Variants in KCNIP4 observed in about 807,000 individuals in gnomAD.
The protein encoded by KCNIP4 is Kv channel-interacting protein 4.
KCNIP4 carries 12 observed loss-of-function variants against 34.0 expected under a neutral mutation model. That is an observed-to-expected ratio of 0.35 (90% CI 0.23 to 0.57). The LOEUF (loss-of-function observed/expected upper bound fraction) is 0.57, where lower values mean the gene tolerates loss of function less well. Among genes scored for constraint, KCNIP4 ranks in the 20% least tolerant of loss-of-function variants. KCNIP4 has a pLI of 0.83. For missense variants in KCNIP4, 238 were observed against 311.7 expected (o/e 0.76, Z 1.78); for synonymous variants, 124 against 102.2 (o/e 1.21, Z -1.29).
chr4:20,731,035 A>G (rs1309814415), intron 8 of KCNIP4, among the ~76,000 whole-genome samples: 1 of 152,182 alleles, frequency 6.6e-6, no homozygotes, highest in Non-Finnish European at 1.5e-5. Flanking sequence ...GAAAAACTAA[A>G]GAAACAACGG....
intron 1 of KCNIP4, among the ~76,000 whole-genome samples, chr4:21,541,779 A>T (rs1466747000): frequency 6.6e-6 from 1 of 151,686 alleles, no homozygotes; most frequent in Non-Finnish European, 1.5e-5. Flanking sequence ...GTAGCTAGGA[A>T]CACAGGCACC....
intron 3 of KCNIP4, among the ~76,000 whole-genome samples, chr4:20,800,477 A>C (rs1271358180): frequency 1.3e-5 from 2 of 152,240 alleles, no homozygotes; most frequent in Non-Finnish European, 2.9e-5. Context: ...AATTCATAAT[A>C]ATATTCTTTA....
chr4:21,655,265 T>A (rs572802988), intron 1 of KCNIP4, among the ~76,000 whole-genome samples: 1 of 152,220 alleles, frequency 6.6e-6, no homozygotes, highest in Non-Finnish European at 1.5e-5. Context: ...CCTCGGTGGC[T>A]GAGGAGATGG....
intron 1 of KCNIP4, among the ~76,000 whole-genome samples, chr4:21,418,551 A>G (rs1725168393): frequency 6.6e-6 from 1 of 152,160 alleles, no homozygotes; most frequent in Non-Finnish European, 1.5e-5. Context: ...AAACACAGAG[A>G]TTATATAGGG....
In KCNIP4 at chr4:21,277,457, C is replaced by T. The variant is rs1578007883; in HGVS notation, c.62-394748G>A. Reference sequence around the variant, plus strand: ...TAGGGTAACATTTTTAAAAGGGTCACATAAATGGAACAAGAATAAGTAGCC... The same window carrying T: ...TAGGGTAACATTTTTAAAAGGGTCATATAAATGGAACAAGAATAAGTAGCC... On this transcript the variant is annotated intron_variant, in intron 1 of 8. Coordinates refer to ENST00000382152, the MANE Select transcript of KCNIP4 (RefSeq NM_025221.6). Among the ~76,000 whole-genome samples the T allele has an allele frequency of 2.6e-5, 4 of 152,158 alleles. No individual in the cohort carries two copies. The South Asian group carries it at 8.3e-4, about 32-fold the overall frequency.
At chr4:21,626,556 A>C (rs558772244) in intron 1 of KCNIP4, among the ~76,000 whole-genome samples, 1 of 152,034 alleles carries the variant, frequency 6.6e-6, no homozygotes, top group Non-Finnish European at 1.5e-5. Context: ...TCTGTTGTTT[A>C]AGCTACTCAG....
At chr4:21,480,600 A>T (rs771998308) in intron 1 of KCNIP4, among the ~76,000 whole-genome samples, 1 of 152,164 alleles carries the variant, frequency 6.6e-6, no homozygotes, top group Non-Finnish European at 1.5e-5. Context: ...TAAGGCACAA[A>T]ATAATCATTG....
intron 1 of KCNIP4, among the ~76,000 whole-genome samples, chr4:21,229,791 T>C (rs1460563309): frequency 6.6e-6 from 1 of 152,156 alleles, no homozygotes; most frequent in East Asian, 1.9e-4. Context: ...TTCTATTTGA[T>C]TTGATTCCTT....
At chr4:20,801,385 G>T (rs1560474570) in intron 3 of KCNIP4, among the ~76,000 whole-genome samples, 2 of 151,954 alleles carry the variant, frequency 1.3e-5, no homozygotes, top group Admixed American at 1.3e-4. Context: ...GCATAGTCAA[G>T]TTCAGAATAC....
At chr4:20,824,951 T>G (rs1350804669) in intron 3 of KCNIP4, among the ~76,000 whole-genome samples, 1 of 152,214 alleles carries the variant, frequency 6.6e-6, no homozygotes, top group African/African-American at 2.4e-5. Flanking sequence ...TGTTTAAAAT[T>G]ATTGATTTTT....
At chr4:21,483,186 C>A (rs1007885326) in intron 1 of KCNIP4, among the ~76,000 whole-genome samples, 15 of 151,662 alleles carry the variant, frequency 9.9e-5, no homozygotes, top group Admixed American at 2.0e-4. Flanking sequence ...TGTAACAAAC[C>A]TGCATGTTGT....
intron 1 of KCNIP4, among the ~76,000 whole-genome samples, chr4:21,822,133 T>C (rs929044263): frequency 6.6e-6 from 1 of 152,196 alleles, no homozygotes; most frequent in Non-Finnish European, 1.5e-5. Flanking sequence ...CCTGGCATCC[T>C]AGCATGTGAT....
intron 1 of KCNIP4, among the ~76,000 whole-genome samples, chr4:21,126,761 T>C (rs1415372516): frequency 6.6e-6 from 1 of 152,128 alleles, no homozygotes; most frequent in Non-Finnish European, 1.5e-5. Context: ...AGAAATCAAA[T>C]GGTTTCTTTG....
chr4:21,232,607 A>G (rs763833084), intron 1 of KCNIP4, among the ~76,000 whole-genome samples: 16 of 152,202 alleles, frequency 1.1e-4, no homozygotes, highest in Non-Finnish European at 2.4e-4. Flanking sequence ...GAACACTTCC[A>G]TAGATCTGGG....
intron 1 of KCNIP4, among the ~76,000 whole-genome samples, chr4:21,603,359 GA>G (rs1743367985): frequency 6.6e-6 from 1 of 151,922 alleles, no homozygotes; most frequent in Non-Finnish European, 1.5e-5. Flanking sequence ...GTGTGGGAAA[GA>G]AAAAGAGGAG....
At chr4:21,844,355 A>G (rs1723875940) in intron 1 of KCNIP4, 1 of 151,890 alleles carries the variant, frequency 6.6e-6, no homozygotes, top group Admixed American at 6.6e-5. Context: ...TTAAATAAAT[A>G]TAATACATGG....
At chr4:21,093,489 C>G (rs1323640951) in intron 1 of KCNIP4, among the ~76,000 whole-genome samples, 1 of 152,072 alleles carries the variant, frequency 6.6e-6, no homozygotes, top group African/African-American at 2.4e-5. Flanking sequence ...TCTTCAGAAA[C>G]AAGACATCAG....
At chr4:21,567,759 G>C (rs1227562674) in intron 1 of KCNIP4, among the ~76,000 whole-genome samples, 1 of 152,032 alleles carries the variant, frequency 6.6e-6, no homozygotes, top group Non-Finnish European at 1.5e-5. Context: ...CTGAAAACTG[G>C]ATGAGGATGG....
At chr4:20,781,479 A>G (rs1446717093) in intron 3 of KCNIP4, among the ~76,000 whole-genome samples, 2 of 152,194 alleles carry the variant, frequency 1.3e-5, no homozygotes, top group Non-Finnish European at 2.9e-5. Flanking sequence ...AAGAGGTTTA[A>G]TTGGACGTAC....
Sources: gnomAD v4.1 joint callset for allele counts (sites outside exome capture counted in the v4.1 genomes callset) on GRCh38, gnomAD v4.1.1 for gene constraint, MANE v1.5 for transcripts, NCBI Gene and HGNC (gene_info 2026-07-23, HGNC 2026-07-21) for gene names.